Variants in ARHGAP15 observed in about 807,000 individuals in gnomAD.
The protein encoded by ARHGAP15 is rho GTPase-activating protein 15.
ARHGAP15 carries 51 observed loss-of-function variants against 63.7 expected under a neutral mutation model. The ratio of observed to expected loss-of-function variants is 0.80; its 90% CI spans 0.64 to 1.01. The LOEUF is 1.01. ARHGAP15 is among the 50% of genes least tolerant of loss of function. The pLI is 0.00. For missense variants in ARHGAP15, 560 were observed against 564.6 expected (o/e 0.99, Z 0.08); for synonymous variants, 191 against 193.8 (o/e 0.99, Z 0.12).
At chr2:143,560,973 T>C (rs1359180459) in intron 11 of ARHGAP15, among the ~76,000 whole-genome samples, 1 of 152,200 alleles carries the variant, frequency 6.6e-6, no homozygotes, top group Non-Finnish European at 1.5e-5. Flanking sequence ...CAAAGAAAAC[T>C]GGTCCATGAC....
intron 8 of ARHGAP15, among the ~76,000 whole-genome samples, chr2:143,438,851 A>G (rs184808544): frequency 1.9e-3 from 284 of 152,268 alleles, no homozygotes; most frequent in African/African-American, 6.7e-3. Context: ...ATGTGATGCA[A>G]TGACTAGTAG....
intron 6 of ARHGAP15, chr2:143,351,456 A>G (rs1382865735): frequency 1.3e-5 from 2 of 152,198 alleles, no homozygotes; most frequent in African/African-American, 4.8e-5. Flanking sequence ...GAATTTCTGG[A>G]TATAACACTA....
At chr2:143,525,730 G>T (rs566273488) in intron 10 of ARHGAP15, among the ~76,000 whole-genome samples, 1 of 152,092 alleles carries the variant, frequency 6.6e-6, no homozygotes, top group South Asian at 2.1e-4. Flanking sequence ...GTCACGCTGG[G>T]GCCTCTGTGT....
intron 12 of ARHGAP15, among the ~76,000 whole-genome samples, chr2:143,688,869 G>T (rs1022017363): frequency 6.6e-6 from 1 of 152,124 alleles, no homozygotes; most frequent in African/African-American, 2.4e-5. Context: ...TTTGTAGAAT[G>T]ATGCTCTATC....
At chr2:143,752,952 C>T (rs561860269) in intron 13 of ARHGAP15, among the ~76,000 whole-genome samples, 1 of 152,246 alleles carries the variant, frequency 6.6e-6, no homozygotes, top group South Asian at 2.1e-4. Flanking sequence ...GCCTGGGAAA[C>T]ATAGTGAGAC....
At chr2:143,283,942 C>A (rs1681974995) in intron 6 of ARHGAP15, among the ~76,000 whole-genome samples, 1 of 152,096 alleles carries the variant, frequency 6.6e-6, no homozygotes, top group African/African-American at 2.4e-5. Context: ...AAAATTCTAT[C>A]GCCAATCCTT....
intron 6 of ARHGAP15, among the ~76,000 whole-genome samples, chr2:143,303,057 C>A (rs1682982165): frequency 6.6e-6 from 1 of 151,986 alleles, no homozygotes; most frequent in Non-Finnish European, 1.5e-5. Flanking sequence ...CCCATAAAAA[C>A]CCTAGAAGAA....
intron 11 of ARHGAP15, among the ~76,000 whole-genome samples, chr2:143,583,082 C>T (rs1442803796): frequency 6.6e-6 from 1 of 152,136 alleles, no homozygotes; most frequent in Non-Finnish European, 1.5e-5. Flanking sequence ...TCACGTACAG[C>T]TGGCCACCCT....
intron 12 of ARHGAP15, among the ~76,000 whole-genome samples, chr2:143,662,301 G>A (rs1308150853): frequency 1.3e-5 from 2 of 149,816 alleles, no homozygotes; most frequent in Non-Finnish European, 3.0e-5. Context: ...CCCCAGCAGG[G>A]GCACACTGAC....
At chr2:143,346,182 T>A (rs13401529) in intron 6 of ARHGAP15, among the ~76,000 whole-genome samples, 4 of 127,744 alleles carry the variant, frequency 3.1e-5, no homozygotes, top group Non-Finnish European at 5.0e-5. Context: ...ACTCTCTCTC[T>A]CACACACACA....
At chr2:143,450,712 T>G (rs1451857799) in intron 8 of ARHGAP15, among the ~76,000 whole-genome samples, 1 of 151,880 alleles carries the variant, frequency 6.6e-6, no homozygotes, top group African/African-American at 2.4e-5. Context: ...TTCTAAAGAT[T>G]AGGAAAAAAA....
intron 6 of ARHGAP15, among the ~76,000 whole-genome samples, chr2:143,294,135 G>GTC (rs1290815507): frequency 6.6e-6 from 1 of 152,006 alleles, no homozygotes; most frequent in East Asian, 1.9e-4. Context: ...TTCTAAGACA[G>GTC]TCTCTGTTGT....
chr2:143,164,429 C>A (rs1282352282), intron 2 of ARHGAP15, among the ~76,000 whole-genome samples: 1 of 152,014 alleles, frequency 6.6e-6, no homozygotes, highest in African/African-American at 2.4e-5. Flanking sequence ...TATATGAAAT[C>A]TCATATGCTT....
At chr2:143,340,327 G>T (rs1262507232) in intron 6 of ARHGAP15, among the ~76,000 whole-genome samples, 2 of 152,120 alleles carry the variant, frequency 1.3e-5, no homozygotes, top group Non-Finnish European at 2.9e-5. Flanking sequence ...AAAAAGGCCT[G>T]TGGGTGCTGT....
At chr2:143,716,498 G>A (rs2105452420) in intron 13 of ARHGAP15, among the ~76,000 whole-genome samples, 1 of 152,102 alleles carries the variant, frequency 6.6e-6, no homozygotes, top group South Asian at 2.1e-4. Context: ...CAACTTCCTT[G>A]TCTATCATTT....
intron 13 of ARHGAP15, among the ~76,000 whole-genome samples, chr2:143,738,030 T>C (rs1559153845): frequency 6.6e-6 from 1 of 152,144 alleles, no homozygotes. Context: ...AGTTGAAACC[T>C]GTTCGTTTAC....
intron 6 of ARHGAP15, among the ~76,000 whole-genome samples, chr2:143,346,246 ACACT>A (rs1303211363): frequency 0.017 from 1,391 of 80,600 alleles, 20 homozygotes; most frequent in African/African-American, 0.059. Context: ...TCACACACAC[ACACT>A]CACACACACA....
At chr2:143,246,402 A>T (rs1694045280) in intron 5 of ARHGAP15, among the ~76,000 whole-genome samples, 2 of 151,924 alleles carry the variant, frequency 1.3e-5, no homozygotes, top group African/African-American at 4.8e-5. Flanking sequence ...AAGGGCTGTG[A>T]TCTCCATGAA....
rs147025364 is a variant in ARHGAP15 at position 143,459,672 on chromosome 2, G to A, written c.703+22630G>A. ...AAAAAAAAGATTGTACTCCTCAAAC[G>A]ATTTCAGTTCTTAAAATCCATTCAA... On this transcript the variant is annotated intron_variant, in intron 8 of 13. Coordinates refer to ENST00000295095, the MANE Select transcript of ARHGAP15 (RefSeq NM_018460.4). Among the ~76,000 whole-genome samples, 268 of 152,126 alleles carry A rather than the reference G, an allele frequency of 1.8e-3. 4 individuals carry two copies. Among genetic ancestry groups the A allele is most frequent in the Non-Finnish European group, 5.4e-4 (37 of 67,968 alleles).
Sources: gnomAD v4.1 joint callset for allele counts (sites outside exome capture counted in the v4.1 genomes callset) on GRCh38, gnomAD v4.1.1 for gene constraint, MANE v1.5 for transcripts, NCBI Gene and HGNC (gene_info 2026-07-23, HGNC 2026-07-21) for gene names.